Variants in GNL3L observed in about 807,000 individuals in gnomAD.
GNL3L encodes G protein nucleolar 3 like, also known as guanine nucleotide-binding protein-like 3-like protein.
GNL3L carries 4 observed loss-of-function variants against 42.9 expected under a neutral mutation model. The ratio of observed to expected loss-of-function variants is 0.09; its 90% CI spans 0.05 to 0.21. GNL3L has a LOEUF of 0.21. GNL3L is among the 10% of genes least tolerant of loss of function. GNL3L has a pLI of 1.00. For synonymous variants in GNL3L, 159 were observed against 176.3 expected, an observed-to-expected ratio of 0.90 and a Z score of 0.78; for missense variants, 412 against 481.7, an observed-to-expected ratio of 0.86 and a Z score of 1.36.
At position 54,579,986 on chromosome X, in the gene GNL3L, G is replaced by GTTTTTTT. The variant is rs869217575; in HGVS notation, c.*45+19360_*45+19366dup. On this transcript the variant is annotated intron_variant, in intron 16 of 16. Coordinates refer to the GNL3L transcript ENST00000674498. ...AGCCACTGTGCCTGGCCTAAAGTTT[G>GTTTTTTT]TTTTTTTTTTTTTTTTTTTTTTTTT... 4.7e-3 allele frequency among the ~76,000 whole-genome samples: 223 copies of GTTTTTTT among 47,638 alleles called. 14 individuals are homozygous for GTTTTTTT. Among genetic ancestry groups the GTTTTTTT allele is most frequent in the African/African-American group, 0.016 (166 of 10,197 alleles). 41.4% of individuals were successfully genotyped at this position (47,638 alleles called of 115,157 possible). A position where few individuals can be genotyped will look rare whatever the true frequency, so the allele number is the denominator to read the frequency against.
At chrX:54,542,270 C>T (rs182239980) in intron 5 of GNL3L, among the ~76,000 whole-genome samples, 36 of 90,084 alleles carry the variant, frequency 4.0e-4, no homozygotes, top group African/African-American at 1.2e-3. Context: ...CAACAGTCCC[C>T]GGTGTGTGAT....
chrX:54,583,246 G>A lies in GNL3L; in HGVS notation c.*45+22599G>A, dbSNP rs377124033. 9.9e-5 allele frequency among the ~76,000 whole-genome samples: 11 copies of A among 110,953 alleles called. No individual in the cohort carries two copies. In the South Asian group the frequency reaches 3.4e-3, roughly 34 times the overall value. On this transcript the variant is annotated intron_variant, in intron 16 of 16. Transcript: ENST00000674498. The stretch of plus-strand genomic sequence containing the variant: ...TTACTCTTGTTGCCTAAGCGGGAGT[G>A]CAATGGCATGATCTCGGCTCACTGC...
intron 16 of GNL3L, among the ~76,000 whole-genome samples, chrX:54,588,270 C>T (rs1330012858): frequency 8.9e-6 from 1 of 111,917 alleles, no homozygotes; most frequent in Non-Finnish European, 1.9e-5. Flanking sequence ...TATGAGAAGA[C>T]ATCTTTGCTT....
rs1272269617 is a variant in GNL3L at position 54,553,697 on chromosome X, G to A, written c.1319-868G>A. 8.1e-5 allele frequency among the ~76,000 whole-genome samples: 9 copies of A among 110,898 alleles called. No homozygotes were observed. In the Admixed American group the frequency reaches 8.7e-4, roughly 11 times the overall value. ...TGGGACTATAGGTGTGCACCACCACGCCTGGCTAATTTTTTTTATTTTTAG... is the reference window on the plus strand; with the variant it reads ...TGGGACTATAGGTGTGCACCACCACACCTGGCTAATTTTTTTTATTTTTAG... On this transcript the variant is annotated intron_variant, in intron 13 of 15. Transcript: ENST00000360845.
chrX:54,614,668 G>T (rs1293394875), intron 16 of GNL3L, among the ~76,000 whole-genome samples: 1 of 111,330 alleles, frequency 9.0e-6, no homozygotes, highest in African/African-American at 3.3e-5. Flanking sequence ...TCAGAAACTT[G>T]TCCTGCAAAC....
chrX:54,644,906 A>G, the GNL3L span, among the ~76,000 whole-genome samples: 31 of 111,778 alleles, frequency 2.8e-4, no homozygotes, highest in African/African-American at 1.0e-3. Flanking sequence ...AGAGTAAGGT[A>G]TGGATTTCTA....
At chrX:54,575,096 T>C (rs941750472) in intron 16 of GNL3L, among the ~76,000 whole-genome samples, 3 of 111,984 alleles carry the variant, frequency 2.7e-5, no homozygotes, top group Admixed American at 9.5e-5. Flanking sequence ...TCTATTGTTA[T>C]TCTGTTTTCT....
At chrX:54,586,695 C>T (rs1049738192) in intron 16 of GNL3L, among the ~76,000 whole-genome samples, 15 of 112,361 alleles carry the variant, frequency 1.3e-4, no homozygotes, top group Non-Finnish European at 2.1e-4. Flanking sequence ...ATTCTGCCAA[C>T]GGCCTGGGCC....
In GNL3L at chrX:54,572,968, C is replaced by T. The variant is rs1209056293; in HGVS notation, c.*45+12321C>T. 2.8e-5 allele frequency among the ~76,000 whole-genome samples: 3 copies of T among 108,784 alleles called. No individual in the cohort carries two copies. The South Asian group carries it at 1.2e-3, about 45-fold the overall frequency. The allele number at this position is 108,784 out of a possible 115,157, so 94.5% of individuals were successfully genotyped here. A position where few individuals can be genotyped will look rare whatever the true frequency, so the allele number is the denominator to read the frequency against. On this transcript the variant is annotated intron_variant, in intron 16 of 16. Coordinates refer to the GNL3L transcript ENST00000674498. Reference sequence around the variant, plus strand: ...CGATGGGCGGCCAGGCAGAGACGCTCCTCACTTCCTAGATGTGATGGCGGC... The same window carrying T: ...CGATGGGCGGCCAGGCAGAGACGCTTCTCACTTCCTAGATGTGATGGCGGC...
intron 14 of GNL3L, 85 bp from the exon 15 acceptor site, chrX:54,558,351 C>T (rs1925157925): frequency 7.6e-6 from 5 of 661,680 alleles, no homozygotes; most frequent in Admixed American, 2.4e-5. Flanking sequence ...CTTACCCAAG[C>T]CTGTGTCCCT....
At chrX:54,605,258 A>G (rs953292626) in intron 16 of GNL3L, among the ~76,000 whole-genome samples, 2 of 112,058 alleles carry the variant, frequency 1.8e-5, no homozygotes, top group African/African-American at 3.2e-5. Context: ...CTAATTTTTT[A>G]TACTTAACCT....
chrX:54,623,164 T>C (rs1418277535), downstream of GNL3L, among the ~76,000 whole-genome samples: 2 of 112,463 alleles, frequency 1.8e-5, no homozygotes, highest in Non-Finnish European at 3.8e-5. Context: ...TCCAATGTTG[T>C]TGTTCTTTTT....
rs752328571 is a variant in GNL3L, at chrX:54,552,053, G to A, written c.1181+79G>A. The A allele has an allele frequency of 4.4e-5, 48 of 1,082,066 alleles. No individual in the cohort carries two copies. In the East Asian group the frequency reaches 7.7e-4, roughly 17 times the overall value. 89.2% of individuals were successfully genotyped at this position (1,082,066 alleles called of 1,213,427 possible). A position where few individuals can be genotyped will look rare whatever the true frequency, so the allele number is the denominator to read the frequency against. ...AAGGGGCTCATCTGTGCTCATTGCC[G>A]CTGGGGCAGCTTGACTTCCTGGGTC... On this transcript the variant is annotated intron_variant, in intron 12 of 15. Transcript: ENST00000360845.
chrX:54,537,089 C>T (rs1924458265), intron 2 of GNL3L, among the ~76,000 whole-genome samples: 3 of 102,700 alleles, frequency 2.9e-5, no homozygotes. Flanking sequence ...ATGGTGCCAT[C>T]ATAGCTCATT....
chrX:54,641,695 C>T, the GNL3L span, among the ~76,000 whole-genome samples: 1 of 111,975 alleles, frequency 8.9e-6, no homozygotes, highest in African/African-American at 3.2e-5. Context: ...GTTGTATGGC[C>T]CAGCTTTAGA....
the GNL3L span, among the ~76,000 whole-genome samples, chrX:54,628,999 TTA>T: frequency 1.9e-5 from 2 of 104,182 alleles, no homozygotes; most frequent in African/African-American, 3.4e-5. Context: ...TATATAAAAA[TTA>T]TATATATATA....
Position 54,554,049 on chromosome X carries a change from T to C in GNL3L, c.1319-516T>C, listed in dbSNP as rs1157495761. Among the ~76,000 whole-genome samples, 4 of 111,084 alleles carry C rather than the reference T, an allele frequency of 3.6e-5. No individual in the cohort carries two copies. The East Asian group carries it at 1.1e-3, about 31-fold the overall frequency. ...TTCCTGGAGGACTTGGCCCTAGTGC[T>C]GGATCTTGAAGGGTGAGTAGGGATT... On this transcript the variant is annotated intron_variant, in intron 13 of 15. Transcript: ENST00000360845.
In GNL3L at chrX:54,551,058, C is replaced by T; in HGVS notation, c.863+8C>T. On this transcript the variant is annotated splice_region_variant and intron_variant, in intron 10 of 15. Transcript: ENST00000360845. ...TGTTCCTGGAATTACCAAGTAAGCA[C>T]CTGCCTGCTCCTCCACTCCACAATT... 1.1e-6 allele frequency: 1 copy of T among 923,291 alleles called. No individual in the cohort carries two copies. The highest frequency in any genetic ancestry group is 1.6e-6 in the Non-Finnish European group (1 of 632,669). 76.1% of individuals were successfully genotyped at this position (923,291 alleles called of 1,213,427 possible).
At chrX:54,616,648 G>A (rs7053330) in intron 16 of GNL3L, among the ~76,000 whole-genome samples, 13,891 of 111,293 alleles carry the variant, frequency 0.12, 1,303 homozygotes, top group African/African-American at 0.33. Context: ...ATAATAAACT[G>A]GATGACTTGT....
Sources: allele counts gnomAD v4.1 joint callset (sites outside exome capture counted in the v4.1 genomes callset), GRCh38; gene constraint gnomAD v4.1.1; transcripts MANE v1.5; gene names NCBI Gene and HGNC (gene_info 2026-07-23, HGNC 2026-07-21).